Variants in KCNAB1 observed in about 807,000 individuals in gnomAD.
The protein encoded by KCNAB1 is potassium voltage-gated channel subfamily A regulatory beta subunit 1.
Under a neutral mutation model 64.6 loss-of-function variants are expected in KCNAB1, and 35 were observed. The observed-to-expected ratio is 0.54, with a 90% CI of 0.41 to 0.72. The LOEUF is 0.72. Ranked by LOEUF, KCNAB1 falls within the 30% of genes least tolerant of loss-of-function variation. The probability of loss-of-function intolerance (pLI) is 0.00; values close to 1 mark genes in which losing one functional copy is unlikely to be tolerated. For synonymous variants in KCNAB1, 177 were observed against 183.8 expected, an observed-to-expected ratio of 0.96 and a Z score of 0.30; for missense variants, 401 against 512.9, an observed-to-expected ratio of 0.78 and a Z score of 2.11.
In KCNAB1 at chr3:156,205,598, G is replaced by A. The variant is rs144370090; in HGVS notation, c.275+84712G>A. On this transcript the variant is annotated intron_variant, in intron 1 of 13. Coordinates refer to ENST00000490337, the MANE Select transcript of KCNAB1 (RefSeq NM_172160.3). Reference sequence around the variant, plus strand: ...TATACATTGGTTGTCAGGTCCGATCGATCATCAAGTCCAGTTGTTTCTAAC... The same window carrying A: ...TATACATTGGTTGTCAGGTCCGATCAATCATCAAGTCCAGTTGTTTCTAAC... 3.9e-3 allele frequency among the ~76,000 whole-genome samples: 594 copies of A among 152,134 alleles called. 8 individuals are homozygous for A. The highest frequency in any genetic ancestry group is 0.018 in the South Asian group (85 of 4,812).
intron 1 of KCNAB1, among the ~76,000 whole-genome samples, chr3:156,340,289 CA>C (rs1263431340): frequency 6.6e-6 from 1 of 152,156 alleles, no homozygotes; most frequent in Non-Finnish European, 1.5e-5. Context: ...ATAAAACCCC[CA>C]AAGTCCTTAG....
In KCNAB1 at chr3:156,238,188, C is replaced by T. The variant is rs186939301; in HGVS notation, c.275+117302C>T. Among the ~76,000 whole-genome samples the T allele has an allele frequency of 5.1e-3, 776 of 152,202 alleles. 2 individuals are homozygous for T. Among genetic ancestry groups the T allele is most frequent in the Non-Finnish European group, 8.6e-3 (583 of 67,976 alleles). ...CCTGTAATCCCAGCATTTTGGGAGG[C>T]CGAGGCGGCGGATCACGAGGTCAGG... On this transcript the variant is annotated intron_variant, in intron 1 of 13. Coordinates refer to ENST00000490337, the MANE Select transcript of KCNAB1 (RefSeq NM_172160.3).
At chr3:156,368,420 C>T (rs964269977) in intron 1 of KCNAB1, among the ~76,000 whole-genome samples, 1 of 152,096 alleles carries the variant, frequency 6.6e-6, no homozygotes. Context: ...GGAAGTTTCA[C>T]TCTTTGTTTT....
chr3:156,459,976 A>G (rs958738232), intron 5 of KCNAB1, 105 bp downstream of exon 5: 1 of 759,378 alleles, frequency 1.3e-6, no homozygotes, highest in African/African-American at 1.8e-5. Flanking sequence ...GTCAAAAAAA[A>G]TCAACTGTTT....
intron 1 of KCNAB1, among the ~76,000 whole-genome samples, chr3:156,267,760 A>C (rs1271672092): frequency 6.6e-6 from 1 of 152,094 alleles, no homozygotes; most frequent in Admixed American, 6.5e-5. Flanking sequence ...TTTTTTAAAA[A>C]AATTTTATGG....
chr3:156,171,442 G>GC (rs1711984777), intron 1 of KCNAB1, among the ~76,000 whole-genome samples: 1 of 152,176 alleles, frequency 6.6e-6, no homozygotes, highest in African/African-American at 2.4e-5. Flanking sequence ...GAAATATAAA[G>GC]CAGAGTGCTT....
intron 1 of KCNAB1, among the ~76,000 whole-genome samples, chr3:156,123,127 T>TA: frequency 6.6e-6 from 1 of 152,352 alleles, no homozygotes; most frequent in East Asian, 1.9e-4. Flanking sequence ...CCATGAGTGA[T>TA]ATCTCCATTA....
chr3:156,373,780 C>A (rs991118436), intron 1 of KCNAB1, among the ~76,000 whole-genome samples: 4 of 152,190 alleles, frequency 2.6e-5, no homozygotes, highest in Non-Finnish European at 4.4e-5. Flanking sequence ...AGCCTTGTAC[C>A]AAAGGCCCTT....
At chr3:156,270,245 A>G (rs528833076) in intron 1 of KCNAB1, among the ~76,000 whole-genome samples, 37 of 151,998 alleles carry the variant, frequency 2.4e-4, no homozygotes, top group Admixed American at 6.5e-4. Flanking sequence ...GAGGCACTCT[A>G]TGTATTTTGA....
At chr3:156,259,584 G>T (rs1718308445) in intron 1 of KCNAB1, among the ~76,000 whole-genome samples, 1 of 152,180 alleles carries the variant, frequency 6.6e-6, no homozygotes, top group Admixed American at 6.5e-5. Context: ...ACCGAAACAG[G>T]AGCGTTGCTA....
intron 1 of KCNAB1, among the ~76,000 whole-genome samples, chr3:156,277,571 G>A (rs573532655): frequency 6.6e-6 from 1 of 152,128 alleles, no homozygotes; most frequent in South Asian, 2.1e-4. Context: ...GCAAATGGTG[G>A]AATTTTCTTC....
chr3:156,227,060 A>C (rs528230791), intron 1 of KCNAB1, among the ~76,000 whole-genome samples: 1 of 152,368 alleles, frequency 6.6e-6, no homozygotes, highest in East Asian at 1.9e-4. Flanking sequence ...TTACAAAGCT[A>C]CATGATGATT....
intron 1 of KCNAB1, among the ~76,000 whole-genome samples, chr3:156,359,712 G>C (rs1725478833): frequency 6.6e-6 from 1 of 152,142 alleles, no homozygotes; most frequent in Non-Finnish European, 1.5e-5. Context: ...TAGAAGGTGG[G>C]CATCACCATG....
intron 4 of KCNAB1, among the ~76,000 whole-genome samples, chr3:156,459,420 A>G (rs891904063): frequency 1.3e-4 from 20 of 152,106 alleles, no homozygotes; most frequent in African/African-American, 4.8e-4. Context: ...TTTTTTATCT[A>G]AACAATGTGA....
intron 2 of KCNAB1, among the ~76,000 whole-genome samples, chr3:156,429,862 C>T (rs1163391327): frequency 6.6e-6 from 1 of 152,160 alleles, no homozygotes; most frequent in African/African-American, 2.4e-5. Context: ...ACAGAGTGAA[C>T]TATCGTAACT....
rs147946207 is a variant in KCNAB1, at chr3:156,250,709, G to A, written c.275+129823G>A. ...AAGGGGTGTCCTCTCTGATGATTGG[G>A]TGGCCTCAGGAGATGATGTGGAAAG... On this transcript the variant is annotated intron_variant, in intron 1 of 13. Transcript: ENST00000490337. Among the ~76,000 whole-genome samples the A allele has an allele frequency of 4.8e-3, 725 of 152,200 alleles. 10 individuals carry two copies. Among genetic ancestry groups the A allele is most frequent in the East Asian group, 0.033 (172 of 5,172 alleles).
intron 1 of KCNAB1, among the ~76,000 whole-genome samples, chr3:156,414,289 T>G (rs1047737170): frequency 6.6e-6 from 1 of 152,202 alleles, no homozygotes; most frequent in African/African-American, 2.4e-5. Flanking sequence ...CTTCATTTTG[T>G]GGAAAGAGCT....
intron 1 of KCNAB1, among the ~76,000 whole-genome samples, chr3:156,396,706 A>G (rs1026774273): frequency 1.3e-5 from 2 of 152,228 alleles, no homozygotes; most frequent in Non-Finnish European, 2.9e-5. Context: ...CTGCCTGGGT[A>G]TATATTTGGC....
chr3:156,417,185 C>A (rs570088029), intron 1 of KCNAB1, among the ~76,000 whole-genome samples: 139 of 152,268 alleles, frequency 9.1e-4, no homozygotes, highest in African/African-American at 3.3e-3. Context: ...ATGATTTCTG[C>A]TCATGTACAT....
Sources: gnomAD v4.1 joint callset for allele counts (sites outside exome capture counted in the v4.1 genomes callset) on GRCh38, gnomAD v4.1.1 for gene constraint, MANE v1.5 for transcripts, NCBI Gene and HGNC (gene_info 2026-07-23, HGNC 2026-07-21) for gene names.